The following LILRB1 variants were observed in gnomAD, a reference collection of about 807,000 sequenced individuals.
LILRB1 encodes leukocyte immunoglobulin-like receptor subfamily B member 1.
In LILRB1, 59 loss-of-function variants were observed where a neutral mutation model predicts 74.6. The observed-to-expected ratio is 0.79, with a 90% confidence interval of 0.64 to 0.98. The LOEUF is 0.98. LILRB1 is among the 50% of genes least tolerant of loss of function. LILRB1 has a pLI of 0.00. For synonymous variants in LILRB1, 328 were observed against 333.9 expected (o/e 0.98, Z 0.19); for missense variants, 804 against 822.6 (o/e 0.98, Z 0.28).
intron 13 of LILRB1, chr19:54,636,022 C>T (rs1372995547): frequency 1.8e-6 from 1 of 546,772 alleles, no homozygotes; most frequent in Non-Finnish European, 3.6e-6. Context: ...CTGAGCTCAC[C>T]TCGTGGTGGG....
rs113289394 is a variant in LILRB1, at chr19:54,633,614, G to A, written c.1262-24G>A. On this transcript the variant is annotated intron_variant, in intron 7 of 14. Transcript: ENST00000324602. ...ACTTCAGGAAAGCCCCAGCTCCTCA[G>A]CCTCCTCTCATTCTTTTACCCAGGA... 5 of 1,609,008 alleles carry A rather than the reference G, an allele frequency of 3.1e-6. No homozygotes were observed. The South Asian group carries it at 4.4e-5, about 14-fold the overall frequency.
At chr19:54,620,869 T>C (rs960845490) in intron 1 of LILRB1, among the ~76,000 whole-genome samples, 12 of 152,110 alleles carry the variant, frequency 7.9e-5, no homozygotes, top group African/African-American at 2.7e-4. Flanking sequence ...GTCTTATTTA[T>C]TTATTTATTT....
In LILRB1 at chr19:54,624,084, G is replaced by A. The variant is rs182120884; in HGVS notation, c.-165-6433G>A. ...GTTGTTTCAGGGGAAGGGCTGGACC[G>A]TGGAGTGTCAGGTGCCCTGAGCTTT... On this transcript the variant is annotated intron_variant, in intron 1 of 15. Coordinates refer to the LILRB1 transcript ENST00000396331. Among the ~76,000 whole-genome samples, 149 of 152,298 alleles carry A rather than the reference G, an allele frequency of 9.8e-4. 2 individuals carry two copies. The highest frequency in any genetic ancestry group is 3.3e-3 in the African/African-American group (136 of 41,562).
chr19:54,635,158 C>T lies in LILRB1; in HGVS notation c.1541C>T (p.Thr514Ile). The T allele has an allele frequency of 6.3e-7, 1 of 1,594,548 alleles. No individual in the cohort carries two copies. The highest frequency in any genetic ancestry group is 8.6e-7 in the Non-Finnish European group (1 of 1,165,778). ...HPAGAVGPEP[T>I]DRGLQWRSSP... is the part of the protein sequence containing the mutation. ...GCAGGGGCTGTGGGGCCAGAGCCCA[C>T]AGACAGAGGCCTGCAGTGGAGGTAA... Residue 514 changes from threonine to isoleucine, a missense_variant, in exon 11 of 15, where the codon ACA (threonine) becomes ATA (isoleucine). Coordinates refer to ENST00000324602, the MANE Select transcript of LILRB1 (RefSeq NM_001081637.3).
At chr19:54,626,346 T>G (rs1473809468), upstream of LILRB1, among the ~76,000 whole-genome samples, 2 of 152,242 alleles carry the variant, frequency 1.3e-5, no homozygotes, top group Non-Finnish European at 2.9e-5. Flanking sequence ...TTTGTTCACA[T>G]TAAACTCATG....
chr19:54,630,996 C>T (rs771389914), intron 1 of LILRB1, 30 bp from the exon 2 acceptor site: 2 of 1,614,148 alleles, frequency 1.2e-6, no homozygotes, highest in South Asian at 1.1e-5. Flanking sequence ...TCCGATTGGC[C>T]ACACTCTGTG....
intron 5 of LILRB1, 98 bp downstream of exon 5, chr19:54,632,335 C>T (rs1273056091): frequency 9.0e-6 from 14 of 1,552,930 alleles, no homozygotes; most frequent in Middle Eastern, 1.9e-4. Flanking sequence ...GATGTTGGGG[C>T]GAGAGGGCTC....
chr19:54,631,237 G>A (rs1222953606), intron 2 of LILRB1, 34 bp from the exon 3 acceptor site: 2 of 1,266,058 alleles, frequency 1.6e-6, no homozygotes, highest in Non-Finnish European at 2.1e-6. Context: ...CCAGGCTTCA[G>A]GGGGCAAATC....
At chr19:54,628,687 C>A (rs1053488174), upstream of LILRB1, among the ~76,000 whole-genome samples, 1 of 152,112 alleles carries the variant, frequency 6.6e-6, no homozygotes, top group Non-Finnish European at 1.5e-5. Context: ...TCCACATGCT[C>A]AACCACCCAG....
At chr19:54,627,993 T>G (rs1469284099), upstream of LILRB1, among the ~76,000 whole-genome samples, 1 of 152,148 alleles carries the variant, frequency 6.6e-6, no homozygotes. Flanking sequence ...GCTTCGAGAG[T>G]ACACAAAACA....
rs1349938184 is a variant in LILRB1 at position 54,637,600 on chromosome 19, A to G, written c.*722A>G. ...AAGAATAACAAGTTATTCCAAATGA[A>G]GGCGTAAGAAAGGGAATAATAACAA... is the stretch of plus-strand genomic sequence containing the variant. On this transcript the variant is annotated 3_prime_UTR_variant, in exon 15 of 15. Coordinates refer to ENST00000324602, the MANE Select transcript of LILRB1 (RefSeq NM_001081637.3). The G allele has an allele frequency of 2.0e-5, 3 of 152,224 alleles. No homozygotes were observed. Among genetic ancestry groups the G allele is most frequent in the Non-Finnish European group, 4.4e-5 (3 of 68,030 alleles). The allele number at this position is 152,224 out of a possible 1,614,324, so 9.4% of individuals were successfully genotyped here. A position where few individuals can be genotyped will look rare whatever the true frequency, so the allele number is the denominator to read the frequency against.
chr19:54,623,568 A>G (rs2063506917), intron 1 of LILRB1, among the ~76,000 whole-genome samples: 1 of 152,162 alleles, frequency 6.6e-6, no homozygotes, highest in South Asian at 2.1e-4. Flanking sequence ...TAGTGTAGTC[A>G]GCCATCTCTC....
chr19:54,635,549 C>A lies in LILRB1; in HGVS notation c.1601-8C>A. 6.2e-7 allele frequency: 1 copy of A among 1,611,622 alleles called. No homozygotes were observed. The highest frequency in any genetic ancestry group is 8.5e-7 in the Non-Finnish European group (1 of 1,178,662). ...CCAAGAGACAAACCCCTTGCTCTGCCCCAGCAGATGCTGCCGTGAAGCACA... is the reference window on the plus strand; with the variant it reads ...CCAAGAGACAAACCCCTTGCTCTGCACCAGCAGATGCTGCCGTGAAGCACA... On this transcript the variant is annotated splice_polypyrimidine_tract_variant and splice_region_variant and intron_variant, in intron 12 of 14. Coordinates refer to ENST00000324602, the MANE Select transcript of LILRB1 (RefSeq NM_001081637.3).
In LILRB1 at chr19:54,633,218, G is replaced by A; in HGVS notation, c.1161G>A (p.Val387=). The A allele has an allele frequency of 3.1e-6, 5 of 1,614,204 alleles. No homozygotes were observed. Among genetic ancestry groups the A allele is most frequent in the Non-Finnish European group, 4.2e-6 (5 of 1,180,032 alleles). The change falls in exon 7 of 15, where the codon GTG becomes GTA. Residue 387 remains valine (V), a synonymous_variant. Transcript: ENST00000324602. The part of the protein sequence containing the change: ...KYQAEFPMGP[V]TSAHAGTYRC... ...AGGCTGAATTCCCCATGGGTCCTGT[G>A]ACCTCAGCCCATGCGGGGACCTACA...
rs772965722 is a variant in LILRB1, at chr19:54,634,319, G to A, written c.1363+298G>A. 16 of 1,540,504 alleles carry A rather than the reference G, an allele frequency of 1.0e-5. 1 individual carries two copies. In the African/African-American group the frequency reaches 1.1e-4, roughly 11 times the overall value. ...GAGACGGTGACCTGGGGCAGGGGAGGGGAGAAGAGTCATGGTTCAGGACGG... is the reference window on the plus strand; with the variant it reads ...GAGACGGTGACCTGGGGCAGGGGAGAGGAGAAGAGTCATGGTTCAGGACGG... On this transcript the variant is annotated intron_variant, in intron 9 of 14. Coordinates refer to ENST00000324602, the MANE Select transcript of LILRB1 (RefSeq NM_001081637.3).
chr19:54,635,719 C>G (rs751864156), intron 13 of LILRB1, 110 bp downstream of exon 13: 25 of 1,270,128 alleles, frequency 2.0e-5, no homozygotes, highest in Middle Eastern at 2.5e-4. Flanking sequence ...CACGGTGGAC[C>G]CCTCCTTGTC....
At chr19:54,625,638 TCGCA>T (rs1170329819), upstream of LILRB1, among the ~76,000 whole-genome samples, 11 of 150,742 alleles carry the variant, frequency 7.3e-5, no homozygotes, top group African/African-American at 2.7e-4. Flanking sequence ...TTAGGGAGCC[TCGCA>T]CTCACTCACC....
In LILRB1 at chr19:54,633,207, A is replaced by G. The variant is rs1437035232; in HGVS notation, c.1150A>G (p.Met384Val). The change falls in exon 7 of 15, where the codon ATG becomes GTG. Residue 384 changes from methionine (M) to valine (V), a missense_variant. Transcript: ENST00000324602. ...TCAAAAATACCAGGCTGAATTCCCC[A>G]TGGGTCCTGTGACCTCAGCCCATGC... The part of the protein sequence containing the change: ...QSQKYQAEFP[M>V]GPVTSAHAGT... The G allele has an allele frequency of 6.2e-7, 1 of 1,614,202 alleles. No individual in the cohort carries two copies. The highest frequency in any genetic ancestry group is 8.5e-7 in the Non-Finnish European group (1 of 1,180,036).
At chr19:54,621,561 T>C (rs1031067281) in intron 1 of LILRB1, among the ~76,000 whole-genome samples, 4 of 152,058 alleles carry the variant, frequency 2.6e-5, no homozygotes, top group African/African-American at 9.7e-5. Context: ...GTTGAATTCT[T>C]TGACTTCCTT....
Sources: allele counts gnomAD v4.1 joint callset (sites outside exome capture counted in the v4.1 genomes callset), GRCh38; gene constraint gnomAD v4.1.1; transcripts MANE v1.5; gene names NCBI Gene and HGNC (gene_info 2026-07-23, HGNC 2026-07-21).